The following HAT1 variants were observed in gnomAD, a reference collection of about 807,000 sequenced individuals.
HAT1 encodes histone acetyltransferase type B catalytic subunit.
A neutral mutation model predicts 56.6 loss-of-function variants in HAT1; 20 were observed. That is an observed-to-expected ratio of 0.35 (90% CI 0.25 to 0.51). HAT1 has a LOEUF of 0.51. HAT1 is among the 20% of genes least tolerant of loss of function. The pLI is 0.95. For missense variants in HAT1, 408 were observed against 504.3 expected, an observed-to-expected ratio of 0.81 and a Z score of 1.83; for synonymous variants, 146 against 165.5, an observed-to-expected ratio of 0.88 and a Z score of 0.91.
chr2:171,981,052 C>T (rs1430392893), intron 10 of HAT1, among the ~76,000 whole-genome samples: 1 of 151,808 alleles, frequency 6.6e-6, no homozygotes, highest in Non-Finnish European at 1.5e-5. Flanking sequence ...TGCCTGTAAT[C>T]CCAGCTTCTC....
In HAT1 at chr2:171,943,954, C is replaced by A. The variant is rs905843883; in HGVS notation, c.113-2754C>A. 4.0e-5 allele frequency among the ~76,000 whole-genome samples: 6 copies of A among 151,868 alleles called. No individual in the cohort carries two copies. The South Asian group carries it at 1.2e-3, about 32-fold the overall frequency. On this transcript the variant is annotated intron_variant, in intron 2 of 10. Transcript: ENST00000264108. ...CTTGAGCCCAGAAATTGGATACGAG[C>A]CTGGGCAACAAAGACCCCCATCTGT...
At chr2:171,972,057 C>T (rs987351770) in intron 8 of HAT1, among the ~76,000 whole-genome samples, 3 of 152,158 alleles carry the variant, frequency 2.0e-5, no homozygotes, top group African/African-American at 7.2e-5. Context: ...GGCACAACCA[C>T]CCCCTACTGT....
rs201143301 is a variant in HAT1 at position 171,976,300 on chromosome 2, A to C, written c.967A>C (p.Ile323Leu). The change falls in exon 9 of 11, where the codon ATA (isoleucine) becomes CTA (leucine). Residue 323 changes from isoleucine (I) to leucine (L), a missense_variant. By Grantham distance (5) the Ile-to-Leu change is conservative. Transcript: ENST00000264108. ...MVIEAQQKFKINKQHARRVYE... is the reference protein window; with the variant it reads ...MVIEAQQKFKLNKQHARRVYE... ...GATAGAGGCACAACAGAAGTTCAAA[A>C]TAAATAAGGTATTTTTATTCTGTAG... 5 of 1,561,580 alleles carry C rather than the reference A, an allele frequency of 3.2e-6. No homozygotes were observed. The East Asian group carries it at 1.2e-4, about 36-fold the overall frequency.
At chr2:171,960,315 A>G (rs1206056604) in intron 4 of HAT1, among the ~76,000 whole-genome samples, 1 of 152,218 alleles carries the variant, frequency 6.6e-6, no homozygotes, top group African/African-American at 2.4e-5. Flanking sequence ...AAAAAAAACG[A>G]GAACCCCATT....
At chr2:171,936,358 A>C (rs1686873377) in intron 2 of HAT1, among the ~76,000 whole-genome samples, 1 of 152,220 alleles carries the variant, frequency 6.6e-6, no homozygotes, top group African/African-American at 2.4e-5. Context: ...TCTGTAAGAC[A>C]GGAGCATCCT....
At chr2:171,973,960 G>T (rs1350049640) in intron 8 of HAT1, among the ~76,000 whole-genome samples, 1 of 151,896 alleles carries the variant, frequency 6.6e-6, no homozygotes. Flanking sequence ...CAGGTGGATC[G>T]CTTGAGCCCA....
intron 2 of HAT1, among the ~76,000 whole-genome samples, chr2:171,944,307 T>C (rs1488379609): frequency 1.3e-5 from 2 of 152,218 alleles, no homozygotes; most frequent in African/African-American, 4.8e-5. Flanking sequence ...AGTAAAGTCA[T>C]TGCACAGATA....
chr2:171,930,896 T>G (rs1412029020), intron 2 of HAT1, among the ~76,000 whole-genome samples: 1 of 151,932 alleles, frequency 6.6e-6, no homozygotes, highest in East Asian at 1.9e-4. Context: ...GTTGCAGACA[T>G]AAGCCACCAC....
chr2:171,977,557 ATTTTTT>A (rs1172067451), intron 9 of HAT1, among the ~76,000 whole-genome samples: 131 of 16,236 alleles, frequency 8.1e-3, no homozygotes, highest in South Asian at 0.039. Flanking sequence ...ATATATATAT[ATTTTTT>A]TTTTTTTTTT....
chr2:171,933,950 G>A (rs992741314), intron 2 of HAT1, among the ~76,000 whole-genome samples: 1 of 152,134 alleles, frequency 6.6e-6, no homozygotes, highest in Non-Finnish European at 1.5e-5. Flanking sequence ...ACTTTCTAGC[G>A]ATTAGGACAA....
chr2:171,924,709 T>G (rs1686537233), intron 1 of HAT1: 1 of 152,226 alleles, frequency 6.6e-6, no homozygotes, highest in Admixed American at 6.5e-5. Flanking sequence ...GTGCCCCTGT[T>G]CCTCTTCCTT....
At chr2:171,938,382 G>A (rs562406668) in intron 2 of HAT1, among the ~76,000 whole-genome samples, 10 of 152,212 alleles carry the variant, frequency 6.6e-5, no homozygotes, top group Middle Eastern at 3.4e-3. Flanking sequence ...GGAGGTTTGC[G>A]GGGAATGGTT....
chr2:171,949,778 C>T (rs1687258728), intron 3 of HAT1, among the ~76,000 whole-genome samples: 1 of 151,978 alleles, frequency 6.6e-6, no homozygotes, highest in Admixed American at 6.6e-5. Flanking sequence ...GCTGGGATTA[C>T]AGGCGTGAAC....
At chr2:171,945,132 A>G (rs1338021561) in intron 2 of HAT1, among the ~76,000 whole-genome samples, 1 of 152,040 alleles carries the variant, frequency 6.6e-6, no homozygotes, top group Admixed American at 6.6e-5. Context: ...CAGCCTCCCA[A>G]AGTGCTGGGA....
intron 2 of HAT1, among the ~76,000 whole-genome samples, chr2:171,933,810 C>T (rs2105967868): frequency 6.6e-6 from 1 of 152,228 alleles, no homozygotes; most frequent in African/African-American, 2.4e-5. Flanking sequence ...TGTTTTATAG[C>T]TTATCATGTA....
intron 9 of HAT1, among the ~76,000 whole-genome samples, chr2:171,976,823 A>G (rs1250042999): frequency 6.6e-6 from 1 of 152,278 alleles, no homozygotes; most frequent in Non-Finnish European, 1.5e-5. Context: ...TGGTTATTTC[A>G]TAGAAAGGAT....
chr2:171,958,361 G>T (rs1687496708), intron 4 of HAT1, among the ~76,000 whole-genome samples: 1 of 150,162 alleles, frequency 6.7e-6, no homozygotes, highest in Non-Finnish European at 1.5e-5. Context: ...TTAAGTTCTG[G>T]GATACATGTG....
At chr2:171,930,358 C>T (rs892072921) in intron 2 of HAT1, among the ~76,000 whole-genome samples, 13 of 152,050 alleles carry the variant, frequency 8.5e-5, no homozygotes, top group African/African-American at 2.9e-4. Context: ...TTTGTAGAGA[C>T]AGGGTTTCGC....
At chr2:171,958,391 A>G (rs1687497994) in intron 4 of HAT1, among the ~76,000 whole-genome samples, 1 of 151,840 alleles carries the variant, frequency 6.6e-6, no homozygotes, top group Non-Finnish European at 1.5e-5. Flanking sequence ...CACGTTTGTT[A>G]CATAGGTATC....
Sources: allele counts gnomAD v4.1 joint callset (sites outside exome capture counted in the v4.1 genomes callset), GRCh38; gene constraint gnomAD v4.1.1; transcripts MANE v1.5; gene names NCBI Gene and HGNC (gene_info 2026-07-23, HGNC 2026-07-21).